The following PHF20 variants were observed in gnomAD, a reference collection of about 807,000 sequenced individuals.
The protein encoded by PHF20 is PHD finger protein 20, also known as glioma-expressed antigen 2.
PHF20 carries 23 observed loss-of-function variants against 113.5 expected under a neutral mutation model. The ratio of observed to expected loss-of-function variants is 0.20; its 90% CI spans 0.15 to 0.29. The LOEUF is 0.29. Among genes scored for constraint, PHF20 ranks in the 10% least tolerant of loss-of-function variants. The pLI is 1.00. For missense variants in PHF20, 943 were observed against 1,219.6 expected, an observed-to-expected ratio of 0.77 and a Z score of 3.38; for synonymous variants, 434 against 457.3, an observed-to-expected ratio of 0.95 and a Z score of 0.65.
intron 10 of PHF20, among the ~76,000 whole-genome samples, chr20:35,907,155 G>GTGA (rs2055215272): frequency 6.6e-6 from 1 of 152,218 alleles, no homozygotes; most frequent in Non-Finnish European, 1.5e-5. Context: ...ATAGGTGGTG[G>GTGA]TGATGCTATT....
chr20:35,914,234 A>C lies in PHF20; in HGVS notation c.1825+37A>C, dbSNP rs904464631. 9 of 1,592,200 alleles carry C rather than the reference A, an allele frequency of 5.7e-6. No individual in the cohort carries two copies. The African/African-American group carries it at 1.1e-4, about 19-fold the overall frequency. On this transcript the variant is annotated intron_variant, in intron 12 of 17. Coordinates refer to ENST00000374012, the MANE Select transcript of PHF20 (RefSeq NM_016436.5). ...CTTCTGTCCTGATCATTTGCTGATC[A>C]TTTATTGGAAAATACAAGCATACCT... is the stretch of plus-strand genomic sequence containing the variant.
chr20:35,828,288 T>G (rs2042298629), intron 2 of PHF20, among the ~76,000 whole-genome samples: 1 of 152,168 alleles, frequency 6.6e-6, no homozygotes, highest in Non-Finnish European at 1.5e-5. Context: ...CTTCTCAAAG[T>G]GCTGGGATTA....
intron 14 of PHF20, among the ~76,000 whole-genome samples, chr20:35,930,318 T>G (rs1160083640): frequency 6.6e-6 from 1 of 152,140 alleles, no homozygotes; most frequent in Non-Finnish European, 1.5e-5. Flanking sequence ...TTTCGGCTCT[T>G]AATTGGGTTG....
intron 9 of PHF20, among the ~76,000 whole-genome samples, chr20:35,896,207 T>A (rs2054979759): frequency 6.6e-6 from 1 of 151,698 alleles, no homozygotes; most frequent in Non-Finnish European, 1.5e-5. Context: ...TAGATCAAAT[T>A]TAAGAGTTTT....
chr20:35,820,425 G>A (rs1197877678), intron 2 of PHF20, among the ~76,000 whole-genome samples: 1 of 151,276 alleles, frequency 6.6e-6, no homozygotes, highest in Non-Finnish European at 1.5e-5. Flanking sequence ...GGTGATAAAT[G>A]CTAGAAAGTG....
At chr20:35,940,152 A>G (rs1271982776) in intron 16 of PHF20, among the ~76,000 whole-genome samples, 1 of 152,178 alleles carries the variant, frequency 6.6e-6, no homozygotes, top group African/African-American at 2.4e-5. Flanking sequence ...TAAGTACTAA[A>G]TAAATATTGG....
intron 1 of PHF20, among the ~76,000 whole-genome samples, chr20:35,799,916 C>T (rs762961743): frequency 2.0e-5 from 3 of 152,166 alleles, no homozygotes; most frequent in Non-Finnish European, 2.9e-5. Flanking sequence ...CCGCCTGCCT[C>T]GGCTTCCCAA....
chr20:35,924,056 T>G (rs1481109931), intron 13 of PHF20, among the ~76,000 whole-genome samples: 1 of 152,072 alleles, frequency 6.6e-6, no homozygotes, highest in Admixed American at 6.6e-5. Flanking sequence ...CTGCCCTGCC[T>G]AAAAGTTACC....
intron 1 of PHF20, among the ~76,000 whole-genome samples, chr20:35,775,951 C>G (rs1569111178): frequency 6.6e-6 from 1 of 151,874 alleles, no homozygotes; most frequent in South Asian, 2.1e-4. Flanking sequence ...TCAGGGACCA[C>G]TGGCACGTGC....
chr20:35,938,689 C>A lies in PHF20; in HGVS notation c.2301-8C>A. The A allele has an allele frequency of 6.3e-7, 1 of 1,594,614 alleles. No homozygotes were observed. Among genetic ancestry groups the A allele is most frequent in the African/African-American group, 1.3e-5 (1 of 74,408 alleles). On this transcript the variant is annotated splice_polypyrimidine_tract_variant and splice_region_variant and intron_variant, in intron 15 of 17. Coordinates refer to ENST00000374012, the MANE Select transcript of PHF20 (RefSeq NM_016436.5). Reference sequence around the variant, plus strand: ...CCAAAGCCCATGTCCTCTTTGTCCTCTCAACAGAAGCCGGGAGCATCCTGA... The same window carrying A: ...CCAAAGCCCATGTCCTCTTTGTCCTATCAACAGAAGCCGGGAGCATCCTGA...
chr20:35,831,579 T>A (rs1212480095), intron 2 of PHF20, among the ~76,000 whole-genome samples: 4 of 152,096 alleles, frequency 2.6e-5, no homozygotes, highest in Non-Finnish European at 5.9e-5. Flanking sequence ...ATCCCCCAAC[T>A]CCAACCTCTT....
intron 13 of PHF20, among the ~76,000 whole-genome samples, chr20:35,917,894 T>C (rs575125083): frequency 6.6e-6 from 1 of 152,262 alleles, no homozygotes; most frequent in South Asian, 2.1e-4. Flanking sequence ...AAACCTCTCA[T>C]GCTCTGCTTG....
At chr20:35,927,675 C>T in intron 13 of PHF20, 105 bp from the exon 14 acceptor site, 3 of 850,796 alleles carry the variant, frequency 3.5e-6, no homozygotes, top group Admixed American at 3.5e-5. Flanking sequence ...CCTTCCTCCC[C>T]TCTCCTTCTA....
At chr20:35,814,230 A>C (rs530882819) in intron 2 of PHF20, among the ~76,000 whole-genome samples, 1 of 151,676 alleles carries the variant, frequency 6.6e-6, no homozygotes, top group South Asian at 2.1e-4. Context: ...TTATTTATTT[A>C]TTTTTTTGAG....
At chr20:35,803,883 C>T (rs1274541835) in intron 2 of PHF20, among the ~76,000 whole-genome samples, 3 of 151,712 alleles carry the variant, frequency 2.0e-5, no homozygotes, top group Non-Finnish European at 2.9e-5. Flanking sequence ...GATATAGGGT[C>T]TTACTCTATT....
At chr20:35,889,009 CTTTTTT>C (rs566960589) in intron 9 of PHF20, among the ~76,000 whole-genome samples, 57 of 99,196 alleles carry the variant, frequency 5.7e-4, no homozygotes, top group South Asian at 1.2e-3. Flanking sequence ...CTCTTAGTTT[CTTTTTT>C]TTTTTTTTTT....
chr20:35,892,573 A>G (rs909821773), intron 9 of PHF20, among the ~76,000 whole-genome samples: 1 of 151,980 alleles, frequency 6.6e-6, no homozygotes, highest in Non-Finnish European at 1.5e-5. Flanking sequence ...GTTAACATAA[A>G]CATTTTATTC....
At chr20:35,787,747 A>G (rs1440003854) in intron 1 of PHF20, among the ~76,000 whole-genome samples, 1 of 148,130 alleles carries the variant, frequency 6.8e-6, no homozygotes, top group East Asian at 2.0e-4. Flanking sequence ...CTGGGATTAC[A>G]GGCATGAGCC....
chr20:35,917,216 T>C (rs1400434132), intron 12 of PHF20: 3 of 530,456 alleles, frequency 5.7e-6, no homozygotes, highest in Non-Finnish European at 1.1e-5. Context: ...GCCACTGAGT[T>C]CTATGATCTT....
Sources: gnomAD v4.1 joint callset for allele counts (sites outside exome capture counted in the v4.1 genomes callset) on GRCh38, gnomAD v4.1.1 for gene constraint, MANE v1.5 for transcripts, NCBI Gene and HGNC (gene_info 2026-07-23, HGNC 2026-07-21) for gene names.